Variants in TNIK observed in about 807,000 individuals in gnomAD.
The protein encoded by TNIK is TRAF2 and NCK interacting kinase, also known as TRAF2 and NCK-interacting protein kinase.
In TNIK, 49 loss-of-function variants were observed where a neutral mutation model predicts 191.3. The ratio of observed to expected loss-of-function variants is 0.26; its 90% confidence interval spans 0.20 to 0.32. TNIK has a LOEUF of 0.32. TNIK is among the 10% of genes least tolerant of loss of function. The pLI, the probability that TNIK is intolerant of heterozygous loss-of-function variation, is 1.00. For missense variants in TNIK, 1,155 were observed against 1,702.3 expected, an observed-to-expected ratio of 0.68 and a Z score of 5.66; for synonymous variants, 594 against 600.9, an observed-to-expected ratio of 0.99 and a Z score of 0.17.
chr3:171,308,824 G>A (rs1459506954), intron 2 of TNIK, among the ~76,000 whole-genome samples: 1 of 152,098 alleles, frequency 6.6e-6, no homozygotes, highest in African/African-American at 2.4e-5. Flanking sequence ...AATCATTAGA[G>A]AAATGCAAAC....
rs368269775 is a variant in TNIK at position 171,084,979 on chromosome 3, AT to A, written c.2998+138del. The A allele has an allele frequency of 1.5e-4, 93 of 608,418 alleles. No homozygotes were observed. The African/African-American group carries it at 1.6e-3, about 11-fold the overall frequency. The allele number at this position is 608,418 out of a possible 1,614,324, so 37.7% of individuals were successfully genotyped here. ...TTTTAGGAGTCCTACAGAAATAATA[AT>A]TTTAAAAAGTCTTCCTTTTAAGATA... On this transcript the variant is annotated intron_variant, in intron 25 of 32. Transcript: ENST00000436636.
chr3:171,192,188 CCTTT>C (rs1560240549), intron 5 of TNIK, among the ~76,000 whole-genome samples: 3 of 152,144 alleles, frequency 2.0e-5, no homozygotes, highest in African/African-American at 7.2e-5. Context: ...TAAAAAATTG[CCTTT>C]CTTATCTGTT....
intron 1 of TNIK, among the ~76,000 whole-genome samples, chr3:171,401,347 G>T (rs1367545812): frequency 6.6e-6 from 1 of 152,090 alleles, no homozygotes; most frequent in East Asian, 1.9e-4. Context: ...CTACTGAACG[G>T]TCCTCTTCAG....
intron 3 of TNIK, among the ~76,000 whole-genome samples, chr3:171,227,124 C>T (rs1271198502): frequency 6.6e-6 from 1 of 152,064 alleles, no homozygotes; most frequent in African/African-American, 2.4e-5. Context: ...ATTAACATGC[C>T]TTTGATGTCC....
chr3:171,204,172 G>A (rs934104820), intron 4 of TNIK, among the ~76,000 whole-genome samples: 38 of 152,298 alleles, frequency 2.5e-4, no homozygotes, highest in African/African-American at 8.9e-4. Context: ...CCTTGTTTCC[G>A]AGAGATCAGA....
At chr3:171,354,221 A>G (rs1713670002) in intron 2 of TNIK, among the ~76,000 whole-genome samples, 1 of 152,180 alleles carries the variant, frequency 6.6e-6, no homozygotes, top group African/African-American at 2.4e-5. Context: ...TTTCAGCATT[A>G]GGCACTTTCA....
Position 171,152,256 on chromosome 3 carries a change from GAC to G in TNIK, c.1221+5202_1221+5203del, listed in dbSNP as rs374200346. 6.1e-4 allele frequency among the ~76,000 whole-genome samples: 93 copies of G among 151,776 alleles called. 3 individuals carry two copies. In the East Asian group the frequency reaches 0.013, roughly 21 times the overall value. The stretch of plus-strand genomic sequence containing the variant: ...AGATGATCGTGCCTCCAACCTGGGT[GAC>G]AGAGTAGACTCCATCTCAAAAAATA... On this transcript the variant is annotated intron_variant, in intron 12 of 32. Transcript: ENST00000436636.
At chr3:171,203,205 C>T (rs1419184013) in intron 4 of TNIK, among the ~76,000 whole-genome samples, 2 of 152,072 alleles carry the variant, frequency 1.3e-5, no homozygotes, top group African/African-American at 4.8e-5. Flanking sequence ...TTTTACCAAG[C>T]CAAGACGCTA....
chr3:171,435,010 G>C (rs1326502665), intron 1 of TNIK, among the ~76,000 whole-genome samples: 1 of 152,192 alleles, frequency 6.6e-6, no homozygotes, highest in Non-Finnish European at 1.5e-5. Context: ...AGTCAGGCCA[G>C]TTCCAGGGTT....
intron 2 of TNIK, among the ~76,000 whole-genome samples, chr3:171,351,267 A>ATGTGTGTGTGTG (rs1161906508): frequency 2.2e-5 from 1 of 45,886 alleles, no homozygotes; most frequent in Admixed American, 3.2e-4. Context: ...ATATATATGT[A>ATGTGTGTGTGTG]TATATGTGTG....
At chr3:171,211,647 G>A (rs546221302) in intron 3 of TNIK, among the ~76,000 whole-genome samples, 4 of 152,238 alleles carry the variant, frequency 2.6e-5, no homozygotes, top group South Asian at 2.1e-4. Context: ...AACCGTGGGC[G>A]CTCAGATTTA....
At position 171,072,079 on chromosome 3, in the gene TNIK, T is replaced by C. The variant is rs1719253349; in HGVS notation, c.3449-756A>G. On this transcript the variant is annotated intron_variant, in intron 28 of 32. Transcript: ENST00000436636. ...TTACTCTTACCTACGTGTGTGTCTC[T>C]GATAGAATAATAAGCAATGTTTACG... Among the ~76,000 whole-genome samples, 3 of 152,168 alleles carry C rather than the reference T, an allele frequency of 2.0e-5. No individual in the cohort carries two copies. The South Asian group carries it at 6.2e-4, about 32-fold the overall frequency.
At chr3:171,353,121 G>C (rs1446906401) in intron 2 of TNIK, among the ~76,000 whole-genome samples, 4 of 152,156 alleles carry the variant, frequency 2.6e-5, no homozygotes, top group African/African-American at 4.8e-5. Flanking sequence ...CAACACTAAA[G>C]GTGGCTGCTC....
At chr3:171,223,622 C>T (rs1312202208) in intron 3 of TNIK, among the ~76,000 whole-genome samples, 1 of 152,130 alleles carries the variant, frequency 6.6e-6, no homozygotes, top group African/African-American at 2.4e-5. Context: ...ACTTAAAATG[C>T]CTGGCTTTCA....
At chr3:171,164,143 T>C (rs1277792956) in intron 10 of TNIK, among the ~76,000 whole-genome samples, 1 of 152,206 alleles carries the variant, frequency 6.6e-6, no homozygotes, top group African/African-American at 2.4e-5. Context: ...AATTACTACA[T>C]AACTCTTGAA....
At chr3:171,131,283 A>AGCC (rs1729226452) in intron 15 of TNIK, among the ~76,000 whole-genome samples, 1 of 129,490 alleles carries the variant, frequency 7.7e-6, no homozygotes, top group Non-Finnish European at 1.6e-5. Flanking sequence ...GCTTGCAGTG[A>AGCC]GCCGAGATCG....
chr3:171,400,784 A>G (rs969541111), intron 1 of TNIK, among the ~76,000 whole-genome samples: 1 of 152,194 alleles, frequency 6.6e-6, no homozygotes, highest in Non-Finnish European at 1.5e-5. Context: ...AAAGACAAGG[A>G]AAGAGTCTCC....
chr3:171,337,424 C>T (rs1009752639), intron 2 of TNIK, among the ~76,000 whole-genome samples: 3 of 152,190 alleles, frequency 2.0e-5, no homozygotes, highest in Admixed American at 6.5e-5. Context: ...GAGGTCCAAA[C>T]GTTGAATAAA....
At chr3:171,157,846 C>A (rs1448210668) in intron 11 of TNIK, among the ~76,000 whole-genome samples, 182 bp from the exon 12 acceptor site, 3 of 152,196 alleles carry the variant, frequency 2.0e-5, no homozygotes, top group Non-Finnish European at 4.4e-5. Flanking sequence ...GGATAAGAGA[C>A]CTGCCTCCCT....
Sources: allele counts gnomAD v4.1 joint callset (sites outside exome capture counted in the v4.1 genomes callset), GRCh38; gene constraint gnomAD v4.1.1; transcripts MANE v1.5; gene names NCBI Gene and HGNC (gene_info 2026-07-23, HGNC 2026-07-21).